Variants in NAV2 observed in about 807,000 individuals in gnomAD.
The protein encoded by NAV2 is helicase, APC down-regulated 1.
In NAV2, 54 loss-of-function variants were observed where a neutral mutation model predicts 223.2. The ratio of observed to expected loss-of-function variants is 0.24; its 90% CI spans 0.19 to 0.30. The LOEUF is 0.30. Among genes scored for constraint, NAV2 ranks in the 10% least tolerant of loss-of-function variants. The probability of loss-of-function intolerance (pLI) is 1.00; values close to 1 mark genes in which losing one functional copy is unlikely to be tolerated. For synonymous variants in NAV2, 1,279 were observed against 1,239.3 expected, an observed-to-expected ratio of 1.03 and a Z score of -0.67; for missense variants, 2,806 against 3,147.5, an observed-to-expected ratio of 0.89 and a Z score of 2.60.
chr11:19,900,299 C>T (rs1314677115), intron 6 of NAV2, among the ~76,000 whole-genome samples: 7 of 58,776 alleles, frequency 1.2e-4, no homozygotes, highest in East Asian at 4.7e-4. Flanking sequence ...ATCAAAGTCT[C>T]GGGGCCAGTG....
At chr11:19,964,882 C>T (rs954068703) in intron 10 of NAV2, among the ~76,000 whole-genome samples, 3 of 132,084 alleles carry the variant, frequency 2.3e-5, no homozygotes, top group Middle Eastern at 5.3e-3. Flanking sequence ...TGCAATGGCA[C>T]GATCTCGGCT....
intron 1 of NAV2, among the ~76,000 whole-genome samples, chr11:19,363,911 T>C (rs921636957): frequency 6.6e-6 from 1 of 152,232 alleles, no homozygotes; most frequent in African/African-American, 2.4e-5. Flanking sequence ...GGAAGGGGCA[T>C]TGAGCTTCCA....
At chr11:20,043,515 G>A (rs866496792) in intron 12 of NAV2, among the ~76,000 whole-genome samples, 5 of 151,992 alleles carry the variant, frequency 3.3e-5, no homozygotes, top group Middle Eastern at 3.2e-3. Flanking sequence ...GTGCGGTCAC[G>A]GCTTACTGCA....
chr11:20,109,655 C>A (rs4757892), intron 36 of NAV2, among the ~76,000 whole-genome samples: 107,930 of 151,906 alleles, frequency 0.71, 41,855 homozygotes, highest in Non-Finnish European at 0.88. Flanking sequence ...CTGGGAAACC[C>A]AAGCTGCTTA....
chr11:19,879,793 A>G (rs935582187), intron 4 of NAV2, 76 bp from the exon 5 acceptor site: 2 of 1,554,390 alleles, frequency 1.3e-6, no homozygotes, highest in African/African-American at 2.7e-5. Flanking sequence ...AATCAAACTC[A>G]CGTGCCGACT....
chr11:20,049,216 T>A, intron 15 of NAV2, 21 bp downstream of exon 15: 3 of 1,509,720 alleles, frequency 2.0e-6, no homozygotes, highest in Non-Finnish European at 2.7e-6. Context: ...TGCCTCTGGC[T>A]GCCTTTCTCA....
At chr11:19,547,090 C>A (rs1210487435) in intron 1 of NAV2, among the ~76,000 whole-genome samples, 2 of 152,200 alleles carry the variant, frequency 1.3e-5, no homozygotes, top group East Asian at 1.9e-4. Context: ...GTGGTCCCTG[C>A]CTACCCACAT....
chr11:19,364,123 G>A (rs1734537269), intron 1 of NAV2, among the ~76,000 whole-genome samples: 2 of 152,158 alleles, frequency 1.3e-5, no homozygotes, highest in South Asian at 4.1e-4. Flanking sequence ...CTGGCAGCCA[G>A]CCCCCATCCT....
At chr11:19,922,704 T>C (rs1325643616) in intron 6 of NAV2, among the ~76,000 whole-genome samples, 2 of 152,150 alleles carry the variant, frequency 1.3e-5, no homozygotes, top group Non-Finnish European at 2.9e-5. Flanking sequence ...CTGCCCACGG[T>C]TCTGTTGCCC....
intron 35 of NAV2, among the ~76,000 whole-genome samples, chr11:20,106,179 GTGTGTA>G (rs1565089069): frequency 4.1e-4 from 6 of 14,708 alleles, no homozygotes; most frequent in East Asian, 1.2e-3. Context: ...ATATATATGT[GTGTGTA>G]TATATATATA....
At chr11:19,893,540 G>T (rs577090816) in intron 6 of NAV2, among the ~76,000 whole-genome samples, 1 of 152,138 alleles carries the variant, frequency 6.6e-6, no homozygotes, top group African/African-American at 2.4e-5. Context: ...GCTGGGAACC[G>T]CCGCCATTTT....
At chr11:19,875,532 T>A (rs531381618) in intron 4 of NAV2, among the ~76,000 whole-genome samples, 2 of 152,322 alleles carry the variant, frequency 1.3e-5, no homozygotes, top group Admixed American at 1.3e-4. Context: ...CATCACAAGT[T>A]GGGGACCATC....
chr11:19,696,854 G>T (rs370691875), intron 1 of NAV2, among the ~76,000 whole-genome samples: 1 of 152,104 alleles, frequency 6.6e-6, no homozygotes, highest in Admixed American at 6.5e-5. Flanking sequence ...CTGCACGGTA[G>T]AATCACCTAG....
intron 1 of NAV2, among the ~76,000 whole-genome samples, chr11:19,447,242 G>C (rs1851617746): frequency 6.6e-6 from 1 of 152,130 alleles, no homozygotes; most frequent in Admixed American, 6.6e-5. Flanking sequence ...AGTCATCTCT[G>C]AAATTGAGTG....
chr11:19,901,114 C>T (rs1168903946), intron 6 of NAV2, among the ~76,000 whole-genome samples: 7 of 152,134 alleles, frequency 4.6e-5, no homozygotes, highest in Admixed American at 2.6e-4. Context: ...AGACAAATCC[C>T]CAGGCATTAC....
At chr11:19,741,131 A>G (rs978296055) in intron 1 of NAV2, among the ~76,000 whole-genome samples, 2 of 152,166 alleles carry the variant, frequency 1.3e-5, no homozygotes, top group African/African-American at 4.8e-5. Context: ...CCCCTTACAG[A>G]TTTTATTTTT....
intron 1 of NAV2, among the ~76,000 whole-genome samples, chr11:19,482,756 C>T (rs2042319151): frequency 6.6e-6 from 1 of 152,226 alleles, no homozygotes; most frequent in Non-Finnish European, 1.5e-5. Context: ...CAACGCCCAA[C>T]ATACCTTAGT....
chr11:19,404,407 C>A (rs1849809616), intron 1 of NAV2, among the ~76,000 whole-genome samples: 1 of 152,170 alleles, frequency 6.6e-6, no homozygotes, highest in African/African-American at 2.4e-5. Context: ...CTCTCCAGCA[C>A]CTCAGCAGTG....
chr11:19,883,091 A>G (rs12279477), intron 5 of NAV2, among the ~76,000 whole-genome samples: 3,110 of 152,240 alleles, frequency 0.02, 106 homozygotes, highest in African/African-American at 0.072. Flanking sequence ...TTAATGTCAA[A>G]TGTTGATGCA....
Sources: gnomAD v4.1 joint callset for allele counts (sites outside exome capture counted in the v4.1 genomes callset) on GRCh38, gnomAD v4.1.1 for gene constraint, MANE v1.5 for transcripts, NCBI Gene and HGNC (gene_info 2026-07-23, HGNC 2026-07-21) for gene names.